Variants in MS4A12 observed in about 807,000 individuals in gnomAD.
MS4A12 encodes membrane spanning 4-domains A12, also known as membrane-spanning 4-domains subfamily A member 12.
A neutral mutation model predicts 23.7 loss-of-function variants in MS4A12; 28 were observed. The observed-to-expected ratio is 1.18, with a 90% CI of 0.88 to 1.62. The LOEUF (loss-of-function observed/expected upper bound fraction) is 1.62. Ranked by LOEUF, MS4A12 falls within the 40% of genes most tolerant of loss-of-function variation. MS4A12 has a pLI of 0.00. For missense variants in MS4A12, 342 were observed against 327.0 expected (o/e 1.05, Z -0.35); for synonymous variants, 108 against 110.1 (o/e 0.98, Z 0.12).
intron 1 of MS4A12, among the ~76,000 whole-genome samples, chr11:60,493,231 C>A (rs913089503): frequency 6.6e-6 from 1 of 152,080 alleles, no homozygotes; most frequent in East Asian, 1.9e-4. Context: ...CAAAAATTAG[C>A]TGGGCGTAGT....
intron 2 of MS4A12, among the ~76,000 whole-genome samples, chr11:60,498,276 GTC>G (rs1383290024): frequency 4.6e-5 from 7 of 152,162 alleles, no homozygotes; most frequent in African/African-American, 1.7e-4. Flanking sequence ...ATTATATTAA[GTC>G]TCTCCCTGTG....
chr11:60,501,750 C>T (rs2086532256), intron 3 of MS4A12, among the ~76,000 whole-genome samples: 1 of 152,006 alleles, frequency 6.6e-6, no homozygotes, highest in African/African-American at 2.4e-5. Flanking sequence ...AGCCTCAGAA[C>T]AAGGAATGCT....
chr11:60,501,700 TA>T (rs1480238222), intron 3 of MS4A12, among the ~76,000 whole-genome samples: 1 of 151,984 alleles, frequency 6.6e-6, no homozygotes, highest in Non-Finnish European at 1.5e-5. Context: ...ATTTTTTAAT[TA>T]AAAAAATGCA....
rs768106321 is a variant in MS4A12 at position 60,503,859 on chromosome 11, G to A, written c.588+42G>A. ...CCACCATGTGCCTGCTCTATTTTCA[G>A]TCCCGTAAAGTGGGTCTATGTTTTA... On this transcript the variant is annotated intron_variant, in intron 5 of 6. Coordinates refer to ENST00000016913, the MANE Select transcript of MS4A12 (RefSeq NM_017716.3). 9 of 1,519,598 alleles carry A rather than the reference G, an allele frequency of 5.9e-6. No individual in the cohort carries two copies. The South Asian group carries it at 1.0e-4, about 18-fold the overall frequency. The allele number at this position is 1,519,598 out of a possible 1,614,324, so 94.1% of individuals were successfully genotyped here.
intron 1 of MS4A12, among the ~76,000 whole-genome samples, chr11:60,495,709 A>C (rs2086483098): frequency 6.6e-6 from 1 of 152,198 alleles, no homozygotes; most frequent in African/African-American, 2.4e-5. Flanking sequence ...TCATGTTCCT[A>C]AACATGACAC....
Position 60,503,794 on chromosome 11 carries a change from G to T in MS4A12, c.565G>T (p.Ala189Ser). The T allele has an allele frequency of 6.2e-7, 1 of 1,613,864 alleles. No individual in the cohort carries two copies. The highest frequency in any genetic ancestry group is 8.5e-7 in the Non-Finnish European group (1 of 1,179,826). ...GGTGGATATGTGCATCAATGGGGTA[G>T]CTGGCCAAGACTACTGGGCCGTGGT... ...LLVDMCINGV[A>S]GQDYWAVLSG... is the part of the protein sequence containing the mutation. Residue 189 changes from alanine to serine, a missense_variant, in exon 5 of 7, where the codon GCT becomes TCT. Ala to Ser is a moderately conservative substitution (Grantham distance 99). Transcript: ENST00000016913.
In MS4A12 at chr11:60,497,296, T is replaced by C. The variant is rs752062969; in HGVS notation, c.-6-17T>C. The C allele has an allele frequency of 5.1e-6, 8 of 1,581,570 alleles. No homozygotes were observed. The highest frequency in any genetic ancestry group is 6.9e-6 in the Non-Finnish European group (8 of 1,165,886). On this transcript the variant is annotated splice_polypyrimidine_tract_variant and intron_variant, in intron 1 of 6. Transcript: ENST00000016913. ...TCTGGATAAACGTATCACTTTTGTA[T>C]GTTTTGTGATACTTAGGACATAATG... is the stretch of plus-strand genomic sequence containing the variant.
rs772755028 is a variant in MS4A12 at position 60,507,043 on chromosome 11, G to A, written c.723G>A (p.Met241Ile). 3 of 1,613,714 alleles carry A rather than the reference G, an allele frequency of 1.9e-6. No individual in the cohort carries two copies. Among genetic ancestry groups the A allele is most frequent in the South Asian group, 1.1e-5 (1 of 91,080 alleles). Residue 241 changes from methionine (M) to isoleucine (I), a missense_variant, in exon 7 of 7, where the codon ATG becomes ATA. Coordinates refer to ENST00000016913, the MANE Select transcript of MS4A12 (RefSeq NM_017716.3). ...TNMSVLVIPN[M>I]YESNPVTPAS... is the part of the protein sequence containing the mutation. Reference sequence around the variant, plus strand: ...AGTCTGTCCTGGTTATTCCAAATATGTATGAAAGCAACCCTGTGACACCAG... The same window carrying A: ...AGTCTGTCCTGGTTATTCCAAATATATATGAAAGCAACCCTGTGACACCAG...
At chr11:60,501,305 G>A in intron 3 of MS4A12, 123 bp downstream of exon 3, 1 of 1,121,510 alleles carries the variant, frequency 8.9e-7, no homozygotes, top group Non-Finnish European at 1.2e-6. Context: ...ACATCTGAGG[G>A]CTGGAGAATT....
chr11:60,501,996 GCT>G lies in MS4A12; in HGVS notation c.437_438del (p.Ser146CysfsTer22). 6.2e-7 allele frequency: 1 copy of G among 1,612,688 alleles called. No individual in the cohort carries two copies. Among genetic ancestry groups the G allele is most frequent in the South Asian group, 1.1e-5 (1 of 90,992 alleles). ...CCATTTCCACAGTTTATTATCTCTGGCTCTCTCTCTGTGTCAGCATCCAAGGA... is the reference window on the plus strand; with the variant it reads ...CCATTTCCACAGTTTATTATCTCTGGCTCTCTCTGTGTCAGCATCCAAGGA... On this transcript the variant is annotated frameshift_variant, in exon 4 of 7. Transcript: ENST00000016913. LOFTEE classifies it high-confidence loss of function.
intron 3 of MS4A12, 131 bp from the exon 4 acceptor site, chr11:60,501,852 T>C (rs1590862052): frequency 2.6e-6 from 2 of 772,660 alleles, no homozygotes; most frequent in East Asian, 5.0e-5. Flanking sequence ...CTCCAGAAAA[T>C]TCAGAAGTGC....
At position 60,498,999 on chromosome 11, in the gene MS4A12, G is replaced by C. The variant is rs374373212; in HGVS notation, c.276+1405G>C. 2.6e-4 allele frequency among the ~76,000 whole-genome samples: 40 copies of C among 152,318 alleles called. No homozygotes were observed. The South Asian group carries it at 7.7e-3, about 29-fold the overall frequency. On this transcript the variant is annotated intron_variant, in intron 2 of 6. Transcript: ENST00000016913. ...GGTGGTGAGGCCTGCAGAGCAGAAG[G>C]CTTTGGCTTTGACTGGGTGGATGAG...
Position 60,506,839 on chromosome 11 carries a change from G to A in MS4A12, c.699+1G>A, listed in dbSNP as rs751353192. On this transcript the variant is annotated splice_donor_variant, in intron 6 of 6. Coordinates refer to ENST00000016913, the MANE Select transcript of MS4A12 (RefSeq NM_017716.3). LOFTEE classifies it high-confidence loss of function. ...CCAAGCAAACACCACAACCAATATG[G>A]TGAGTTGGGTCTCTTCTTTGTAAAA... 4 of 1,609,666 alleles carry A rather than the reference G, an allele frequency of 2.5e-6. No homozygotes were observed. In the Admixed American group the frequency reaches 5.0e-5, roughly 20 times the overall value.
At chr11:60,506,174 G>A (rs773034094) in intron 5 of MS4A12, among the ~76,000 whole-genome samples, 6 of 152,188 alleles carry the variant, frequency 3.9e-5, no homozygotes, top group Non-Finnish European at 7.4e-5. Context: ...TAGAAAGCCT[G>A]TATAGAGTTC....
chr11:60,498,863 T>G (rs2086509518), intron 2 of MS4A12, among the ~76,000 whole-genome samples: 1 of 152,060 alleles, frequency 6.6e-6, no homozygotes, highest in Non-Finnish European at 1.5e-5. Context: ...AGTCTTTAGA[T>G]GAAAATGTCT....
At chr11:60,496,365 A>AT (rs1211352077) in intron 1 of MS4A12, among the ~76,000 whole-genome samples, 2 of 152,172 alleles carry the variant, frequency 1.3e-5, no homozygotes, top group Non-Finnish European at 2.9e-5. Context: ...AAGTGTCATA[A>AT]TTTTTTTCAA....
At chr11:60,495,481 A>G (rs1343949869) in intron 1 of MS4A12, among the ~76,000 whole-genome samples, 1 of 151,926 alleles carries the variant, frequency 6.6e-6, no homozygotes, top group African/African-American at 2.4e-5. Flanking sequence ...TAAAGGGTAC[A>G]GAGATAATGT....
Position 60,503,698 on chromosome 11 carries a change from T to G in MS4A12, c.472-3T>G. The G allele has an allele frequency of 6.2e-7, 1 of 1,608,440 alleles. No individual in the cohort carries two copies. Among genetic ancestry groups the G allele is most frequent in the Non-Finnish European group, 8.5e-7 (1 of 1,176,680 alleles). The stretch of plus-strand genomic sequence containing the variant: ...ATTGATTTTTTCCTGCCATCTCCAT[T>G]AGGTGAAAGGCAGCCTGGGAATGAA... On this transcript the variant is annotated splice_polypyrimidine_tract_variant and splice_region_variant and intron_variant, in intron 4 of 6. Transcript: ENST00000016913.
chr11:60,503,665 T>C, intron 4 of MS4A12, 36 bp from the exon 5 acceptor site: 1 of 1,482,544 alleles, frequency 6.7e-7, no homozygotes, highest in African/African-American at 1.4e-5. Flanking sequence ...TCAGTGATCC[T>C]GTATATAATT....
Sources: gnomAD v4.1 joint callset for allele counts (sites outside exome capture counted in the v4.1 genomes callset) on GRCh38, gnomAD v4.1.1 for gene constraint, MANE v1.5 for transcripts, NCBI Gene and HGNC (gene_info 2026-07-23, HGNC 2026-07-21) for gene names.